CRACD: variants seen among roughly 807,000 people sequenced by gnomAD.
CRACD encodes capping protein inhibiting regulator of actin dynamics.
Under a neutral mutation model 106.8 loss-of-function variants are expected in CRACD, and 56 were observed. That is an observed-to-expected ratio of 0.52 (90% CI 0.42 to 0.66). CRACD has a LOEUF of 0.66. Ranked by LOEUF, CRACD falls within the 30% of genes least tolerant of loss-of-function variation. The probability of loss-of-function intolerance (pLI) is 0.00; values close to 1 mark genes in which losing one functional copy is unlikely to be tolerated. For synonymous variants in CRACD, 754 were observed against 670.8 expected (o/e 1.12, Z -1.92); for missense variants, 1,730 against 1,623.2 (o/e 1.07, Z -1.13).
At chr4:56,062,914 T>C (rs577364061) in intron 1 of CRACD, among the ~76,000 whole-genome samples, 1 of 152,326 alleles carries the variant, frequency 6.6e-6, no homozygotes, top group Non-Finnish European at 1.5e-5. Flanking sequence ...CCTGCTGTTG[T>C]TTACAGTCCC....
intron 2 of CRACD, among the ~76,000 whole-genome samples, chr4:56,199,124 A>G (rs1292670563): frequency 6.6e-6 from 1 of 152,128 alleles, no homozygotes; most frequent in Non-Finnish European, 1.5e-5. Flanking sequence ...TGCCTGATAC[A>G]TATGTGTCAC....
intron 2 of CRACD, among the ~76,000 whole-genome samples, chr4:56,215,618 CT>C (rs775009449): frequency 1.3e-5 from 2 of 152,152 alleles, no homozygotes; most frequent in African/African-American, 4.8e-5. Flanking sequence ...GTTTATGCCC[CT>C]GACAGTCTCT....
At chr4:56,161,767 A>G (rs1230678747) in intron 1 of CRACD, among the ~76,000 whole-genome samples, 3 of 141,322 alleles carry the variant, frequency 2.1e-5, no homozygotes, top group Admixed American at 7.1e-5. Flanking sequence ...GCCAAAGAGC[A>G]TTTTTTTTTT....
At chr4:56,295,252 A>G (rs776771949) in intron 3 of CRACD, among the ~76,000 whole-genome samples, 3 of 152,134 alleles carry the variant, frequency 2.0e-5, no homozygotes, top group Admixed American at 2.0e-4. Flanking sequence ...TGCCTACCAC[A>G]TAAGTTTTAA....
chr4:56,103,541 G>A (rs982347760), intron 1 of CRACD, among the ~76,000 whole-genome samples: 8 of 152,136 alleles, frequency 5.3e-5, no homozygotes, highest in South Asian at 2.1e-4. Context: ...AGCAGTTTTC[G>A]TTCCCTCCCT....
intron 1 of CRACD, among the ~76,000 whole-genome samples, chr4:56,117,267 C>G (rs1734326926): frequency 6.6e-6 from 1 of 152,012 alleles, no homozygotes; most frequent in South Asian, 2.1e-4. Flanking sequence ...GGGATCTGCC[C>G]GTCTCGGCCT....
At chr4:56,237,727 C>T (rs1207698732) in intron 2 of CRACD, among the ~76,000 whole-genome samples, 3 of 24,848 alleles carry the variant, frequency 1.2e-4, no homozygotes, top group East Asian at 0.01. Flanking sequence ...TACATACACA[C>T]ACACACACAC....
At chr4:56,258,024 C>T (rs1366748992) in intron 2 of CRACD, among the ~76,000 whole-genome samples, 5 of 150,428 alleles carry the variant, frequency 3.3e-5, no homozygotes, top group African/African-American at 9.8e-5. Flanking sequence ...GAGCCTAGAT[C>T]GCACCACTGC....
intron 1 of CRACD, among the ~76,000 whole-genome samples, chr4:56,142,865 T>C (rs922613854): frequency 6.6e-6 from 1 of 152,122 alleles, no homozygotes; most frequent in African/African-American, 2.4e-5. Context: ...TAGATCTATT[T>C]GTGTATTTCC....
intron 8 of CRACD, among the ~76,000 whole-genome samples, chr4:56,322,054 A>G (rs1305697035): frequency 6.6e-6 from 1 of 152,240 alleles, no homozygotes; most frequent in African/African-American, 2.4e-5. Context: ...ATTGGATTTC[A>G]AAAACAATAC....
intron 1 of CRACD, among the ~76,000 whole-genome samples, chr4:56,152,928 C>T (rs1735633283): frequency 1.3e-5 from 2 of 152,126 alleles, no homozygotes; most frequent in South Asian, 4.1e-4. Context: ...TTTCTGTTGC[C>T]CACCTGAGTA....
chr4:56,198,546 G>A (rs1436713094), intron 2 of CRACD, among the ~76,000 whole-genome samples: 2 of 152,186 alleles, frequency 1.3e-5, no homozygotes, highest in African/African-American at 4.8e-5. Context: ...TTGTGAAGAA[G>A]TAGAAGCATA....
intron 2 of CRACD, among the ~76,000 whole-genome samples, chr4:56,254,905 A>C (rs1298304781): frequency 6.6e-6 from 1 of 151,654 alleles, no homozygotes; most frequent in Non-Finnish European, 1.5e-5. Flanking sequence ...GATTTTTGAG[A>C]CCAGCCTGGC....
chr4:56,094,595 A>G (rs1312526960), intron 1 of CRACD, among the ~76,000 whole-genome samples: 1 of 152,090 alleles, frequency 6.6e-6, no homozygotes, highest in Non-Finnish European at 1.5e-5. Context: ...CTGGGACTAC[A>G]GGCATGCGCC....
chr4:56,173,560 T>C (rs1736465444), intron 1 of CRACD, among the ~76,000 whole-genome samples: 1 of 152,220 alleles, frequency 6.6e-6, no homozygotes, highest in Non-Finnish European at 1.5e-5. Context: ...CTATTTTGTC[T>C]AAATGAGAAG....
chr4:56,297,063 G>C (rs974866588), intron 3 of CRACD, among the ~76,000 whole-genome samples: 2 of 152,040 alleles, frequency 1.3e-5, no homozygotes, highest in African/African-American at 4.8e-5. Flanking sequence ...GGGATTATAG[G>C]CGCCAGCCAT....
intron 1 of CRACD, among the ~76,000 whole-genome samples, chr4:56,094,789 C>T (rs1043891911): frequency 6.6e-6 from 1 of 152,070 alleles, no homozygotes; most frequent in African/African-American, 2.4e-5. Flanking sequence ...AACTACATTT[C>T]TGGTAATAAA....
intron 1 of CRACD, among the ~76,000 whole-genome samples, chr4:56,116,205 C>T (rs1734270412): frequency 6.6e-6 from 1 of 152,176 alleles, no homozygotes; most frequent in African/African-American, 2.4e-5. Context: ...GACTCCTGCT[C>T]TGACTCAGAA....
intron 1 of CRACD, among the ~76,000 whole-genome samples, chr4:56,154,379 T>C (rs1344020360): frequency 6.6e-6 from 1 of 152,034 alleles, no homozygotes; most frequent in Non-Finnish European, 1.5e-5. Context: ...CGCAGGAGTA[T>C]ACCTTAAGCC....
Sources: gnomAD v4.1 joint callset for allele counts (sites outside exome capture counted in the v4.1 genomes callset) on GRCh38, gnomAD v4.1.1 for gene constraint, MANE v1.5 for transcripts, NCBI Gene and HGNC (gene_info 2026-07-23, HGNC 2026-07-21) for gene names.